PTK7: variants seen among roughly 807,000 people sequenced by gnomAD.
PTK7 encodes the protein inactive tyrosine-protein kinase 7.
PTK7 carries 39 observed loss-of-function variants against 116.6 expected under a neutral mutation model. That is an observed-to-expected ratio of 0.33 (90% confidence interval 0.26 to 0.44). PTK7 has a LOEUF of 0.44. PTK7 is among the 20% of genes least tolerant of loss of function. The pLI is 1.00. For missense variants in PTK7, 1,169 were observed against 1,425.6 expected, an observed-to-expected ratio of 0.82 and a Z score of 2.90; for synonymous variants, 546 against 563.6, an observed-to-expected ratio of 0.97 and a Z score of 0.44.
rs370861360 is a variant in PTK7, at chr6:43,155,145, T to C, written c.2722-3672T>C. ...AGCCCTGCTTTGGCCAGCCCTGTTA[T>C]ATTCCACCAACATCCACTGTATATG... On this transcript the variant is annotated intron_variant, in intron 17 of 19. Coordinates refer to ENST00000230419, the MANE Select transcript of PTK7 (RefSeq NM_002821.5). Among the ~76,000 whole-genome samples, 40 of 152,318 alleles carry C rather than the reference T, an allele frequency of 2.6e-4. No individual in the cohort carries two copies. The South Asian group carries it at 6.4e-3, about 24-fold the overall frequency.
intron 17 of PTK7, among the ~76,000 whole-genome samples, chr6:43,149,443 A>G (rs1021721390): frequency 9.9e-5 from 15 of 152,224 alleles, no homozygotes; most frequent in African/African-American, 3.6e-4. Context: ...AGTGAGGTCT[A>G]AAGATGTGAA....
rs540607354 is a variant in PTK7 at position 43,109,760 on chromosome 6, G to A, written c.80-19217G>A. On this transcript the variant is annotated intron_variant, in intron 1 of 19. Transcript: ENST00000230419. Reference sequence around the variant, plus strand: ...GTCACCCAGGCAGGAGTGCAGTGGCGTGATCTCAGCTCACTGCAAACTCTG... The same window carrying A: ...GTCACCCAGGCAGGAGTGCAGTGGCATGATCTCAGCTCACTGCAAACTCTG... Among the ~76,000 whole-genome samples the A allele has an allele frequency of 1.7e-3, 253 of 150,584 alleles. 3 individuals carry two copies. The highest frequency in any genetic ancestry group is 6.1e-3 in the African/African-American group (248 of 40,904).
Position 43,078,389 on chromosome 6 carries a change from G to A in PTK7, c.79+1822G>A, listed in dbSNP as rs141584778. 1.5e-3 allele frequency among the ~76,000 whole-genome samples: 227 copies of A among 152,216 alleles called. 1 individual carries two copies. Among genetic ancestry groups the A allele is most frequent in the Admixed American group, 0.013 (201 of 15,294 alleles). On this transcript the variant is annotated intron_variant, in intron 1 of 19. Coordinates refer to ENST00000230419, the MANE Select transcript of PTK7 (RefSeq NM_002821.5). ...TCAACAAAGGAACATTTTAATGAGA[G>A]CCTTAAATCAATTCCACCAAATGTG...
At chr6:43,156,973 T>C (rs1286523740) in intron 17 of PTK7, among the ~76,000 whole-genome samples, 1 of 151,402 alleles carries the variant, frequency 6.6e-6, no homozygotes, top group East Asian at 1.9e-4. Flanking sequence ...AGAGTATACA[T>C]TTTGTGTGCT....
chr6:43,152,604 G>A (rs1333744780), intron 17 of PTK7, among the ~76,000 whole-genome samples: 5 of 152,216 alleles, frequency 3.3e-5, no homozygotes, highest in Non-Finnish European at 7.3e-5. Context: ...AGAGCCTCAG[G>A]CAGCACTGAT....
chr6:43,104,179 AAAT>A (rs971826312), intron 1 of PTK7, among the ~76,000 whole-genome samples: 8 of 152,312 alleles, frequency 5.3e-5, no homozygotes, highest in East Asian at 1.9e-4. Flanking sequence ...ATTAATTACA[AAAT>A]AATAATAAGG....
In PTK7 at chr6:43,112,459, T is replaced by C. The variant is rs1204285904; in HGVS notation, c.80-16518T>C. Among the ~76,000 whole-genome samples the C allele has an allele frequency of 3.3e-5, 5 of 152,010 alleles. No individual in the cohort carries two copies. The East Asian group carries it at 9.7e-4, about 29-fold the overall frequency. ...CTCTGCGTGTTGATTTCTTACCTCC[T>C]CCATCTGTCTGCCAGGGCCCGGGTC... On this transcript the variant is annotated intron_variant, in intron 1 of 19. Transcript: ENST00000230419.
Position 43,139,271 on chromosome 6 carries a change from G to T in PTK7, c.1498G>T (p.Glu500Ter), listed in dbSNP as rs775234118. Reference sequence around the variant, plus strand: ...GGCGCAAGCCCGTGTCCAAGTGCTGGGTGAGCCAGCATGTCTTGGGGGAGC... The same window carrying T: ...GGCGCAAGCCCGTGTCCAAGTGCTGTGTGAGCCAGCATGTCTTGGGGGAGC... ...IEAQARVQVLEKLKFTPPPQP... is the reference protein window; with the variant it reads ...IEAQARVQVL Residue 500 changes from glutamate (E) to a stop codon, truncating the protein, a stop_gained and splice_region_variant, in exon 9 of 20, where the codon GAA becomes TAA. Coordinates refer to ENST00000230419, the MANE Select transcript of PTK7 (RefSeq NM_002821.5). LOFTEE classifies it high-confidence loss of function. The surrounding 1 kb of genome is among the most constrained non-coding windows in gnomAD (Gnocchi z 4.6). The T allele has an allele frequency of 6.2e-7, 1 of 1,614,268 alleles. No individual in the cohort carries two copies. The highest frequency in any genetic ancestry group is 8.5e-7 in the Non-Finnish European group (1 of 1,180,046).
chr6:43,076,880 C>T lies in PTK7; in HGVS notation c.79+313C>T, dbSNP rs766561810. On this transcript the variant is annotated intron_variant, in intron 1 of 19. Coordinates refer to ENST00000230419, the MANE Select transcript of PTK7 (RefSeq NM_002821.5). This position sits in a 1 kb window ranked among gnomAD's most constrained non-coding sequence, Gnocchi z 5.7. ...TGCCGAGAGTTGCTGGCTCTCGGGC[C>T]CAGATGGGGAGTTTCTTGTCGGGGG... is the stretch of plus-strand genomic sequence containing the variant. The T allele has an allele frequency of 8.7e-6, 13 of 1,493,844 alleles. No homozygotes were observed. In the African/African-American group the frequency reaches 1.1e-4, roughly 13 times the overall value. The allele number at this position is 1,493,844 out of a possible 1,614,324, so 92.5% of individuals were successfully genotyped here.
chr6:43,157,856 AGCTG>A (rs1264876364), intron 17 of PTK7, among the ~76,000 whole-genome samples: 32 of 152,042 alleles, frequency 2.1e-4, no homozygotes, highest in Non-Finnish European at 3.7e-4. Flanking sequence ...CCTCCCCAGT[AGCTG>A]GGATTATAGG....
intron 7 of PTK7, among the ~76,000 whole-genome samples, chr6:43,137,876 G>T (rs940263897): frequency 6.6e-6 from 1 of 151,982 alleles, no homozygotes; most frequent in African/African-American, 2.4e-5. Context: ...GCGTGATCTC[G>T]GCTCACTGCA....
chr6:43,157,364 A>AT (rs1293389236), intron 17 of PTK7, among the ~76,000 whole-genome samples: 4 of 54,364 alleles, frequency 7.4e-5, no homozygotes, highest in Non-Finnish European at 9.8e-5. Context: ...ATATATATAT[A>AT]TTTTTTTTTT....
At chr6:43,084,828 G>T (rs932761442) in intron 1 of PTK7, among the ~76,000 whole-genome samples, 4 of 152,190 alleles carry the variant, frequency 2.6e-5, no homozygotes, top group African/African-American at 9.6e-5. Context: ...ACCCTACATT[G>T]CTGAATAGAT....
At chr6:43,089,912 G>A (rs968759573) in intron 1 of PTK7, among the ~76,000 whole-genome samples, 1 of 152,224 alleles carries the variant, frequency 6.6e-6, no homozygotes, top group Non-Finnish European at 1.5e-5. Flanking sequence ...ACAGGGTGGG[G>A]ACCTTGTCCT....
rs1767375489 is a variant in PTK7, at chr6:43,098,448, T to A, written c.79+21881T>A. ...TCAGCTCACTGCAACCTCTTCCTCC[T>A]GGGTTCAAGCAATTCTTCTGCCTCA... On this transcript the variant is annotated intron_variant, in intron 1 of 19. Coordinates refer to ENST00000230419, the MANE Select transcript of PTK7 (RefSeq NM_002821.5). 4.6e-5 allele frequency among the ~76,000 whole-genome samples: 7 copies of A among 151,942 alleles called. 1 individual carries two copies. The South Asian group carries it at 1.5e-3, about 32-fold the overall frequency.
intron 1 of PTK7, among the ~76,000 whole-genome samples, chr6:43,099,991 G>C (rs1040803529): frequency 6.6e-6 from 1 of 152,142 alleles, no homozygotes; most frequent in Non-Finnish European, 1.5e-5. Context: ...GGGATTACAG[G>C]CATGTGCCAC....
chr6:43,124,174 G>T (rs1582143651), intron 1 of PTK7, among the ~76,000 whole-genome samples: 3 of 152,282 alleles, frequency 2.0e-5, no homozygotes, highest in Admixed American at 2.0e-4. Context: ...CTCAAGTCAG[G>T]GGGCGGGGAC....
intron 1 of PTK7, among the ~76,000 whole-genome samples, chr6:43,104,808 CTTTT>C (rs35126838): frequency 1.9e-5 from 2 of 102,836 alleles, no homozygotes; most frequent in African/African-American, 8.0e-5. Context: ...ATTAGCACAA[CTTTT>C]TTTTTTTTTT....
intron 7 of PTK7, chr6:43,132,959 C>A (rs1267188616): frequency 1.7e-6 from 1 of 579,106 alleles, no homozygotes; most frequent in Non-Finnish European, 3.1e-6. Context: ...AATCTAGAGA[C>A]CTGGGTCCCA....
Sources: gnomAD v4.1 joint callset for allele counts (sites outside exome capture counted in the v4.1 genomes callset) on GRCh38, gnomAD v4.1.1 for gene constraint, Gnocchi (gnomAD v3.1) non-coding constraint, MANE v1.5 for transcripts, NCBI Gene and HGNC (gene_info 2026-07-23, HGNC 2026-07-21) for gene names.